The following FARP1 variants were observed in gnomAD, a reference collection of about 807,000 sequenced individuals.
The protein encoded by FARP1 is FERM, ARHGEF and pleckstrin domain-containing protein 1.
In FARP1, 52 loss-of-function variants were observed where a neutral mutation model predicts 128.8. That is an observed-to-expected ratio of 0.40 (90% CI 0.32 to 0.51). The LOEUF is 0.51. Ranked by LOEUF, FARP1 falls within the 20% of genes least tolerant of loss-of-function variation. The pLI, the probability that FARP1 is intolerant of heterozygous loss-of-function variation, is 0.45. For synonymous variants in FARP1, 580 were observed against 551.8 expected (o/e 1.05, Z -0.72); for missense variants, 1,333 against 1,367.9 (o/e 0.97, Z 0.40).
chr13:98,211,208 C>T (rs902270549), intron 1 of FARP1, among the ~76,000 whole-genome samples: 5 of 152,220 alleles, frequency 3.3e-5, no homozygotes, highest in Admixed American at 2.6e-4. Context: ...GGCCGTGGAC[C>T]AGTGGTCCGT....
At position 98,176,866 on chromosome 13, in the gene FARP1, G is replaced by T; in HGVS notation, c.-24+33374G>T. 2.5e-6 allele frequency: 4 copies of T among 1,609,268 alleles called. No individual in the cohort carries two copies. Among genetic ancestry groups the T allele is most frequent in the Non-Finnish European group, 2.5e-6 (3 of 1,179,956 alleles). On this transcript the variant is annotated intron_variant, in intron 1 of 26. Transcript: ENST00000319562. The surrounding 1 kb of genome is among the most constrained non-coding windows in gnomAD (Gnocchi z 6.2). The stretch of plus-strand genomic sequence containing the variant: ...CTGGCTGCACTTGAGGATGGTCGGC[G>T]TATGGTGCTCCTTCTCGGTGTCCTG...
At chr13:98,291,082 C>A (rs948724883) in intron 2 of FARP1, among the ~76,000 whole-genome samples, 1 of 152,238 alleles carries the variant, frequency 6.6e-6, no homozygotes, top group South Asian at 2.1e-4. Context: ...CAGAAATCCA[C>A]GTATACCTTT....
rs1442805500 is a variant in FARP1, at chr13:98,440,233, A to T, written c.2627A>T (p.Asn876Ile). The T allele has an allele frequency of 1.2e-6, 2 of 1,610,854 alleles. No homozygotes were observed. Among genetic ancestry groups the T allele is most frequent in the African/African-American group, 1.3e-5 (1 of 74,828 alleles). ...PEFLASSPPD[N>I]KSPDEATAAD... ...TTCCTGGCCAGCAGCCCCCCTGACA[A>T]CAGTGAGTGTGGCCAGGGCAGCTTT... Residue 876 changes from asparagine (N) to isoleucine (I), a missense_variant and splice_region_variant, in exon 23 of 27, where the codon AAC becomes ATC. Transcript: ENST00000319562.
At chr13:98,429,454 A>AGG (rs1891929150) in intron 17 of FARP1, among the ~76,000 whole-genome samples, 1 of 152,210 alleles carries the variant, frequency 6.6e-6, no homozygotes. Flanking sequence ...GTGAAGTGGA[A>AGG]GGGGCTGGAG....
chr13:98,259,876 C>T (rs1482025436), intron 2 of FARP1, among the ~76,000 whole-genome samples: 1 of 37,752 alleles, frequency 2.6e-5, no homozygotes, highest in Non-Finnish European at 7.0e-5. Context: ...TTAAAGATAC[C>T]TGAAAAGTGT....
chr13:98,190,225 G>T (rs2139231945), intron 1 of FARP1, among the ~76,000 whole-genome samples: 2 of 152,206 alleles, frequency 1.3e-5, no homozygotes, highest in South Asian at 4.1e-4. Context: ...TTTTCTACAA[G>T]GTTTTTTTGC....
chr13:98,150,723 T>C (rs1357897827), intron 1 of FARP1, among the ~76,000 whole-genome samples: 1 of 152,212 alleles, frequency 6.6e-6, no homozygotes, highest in Admixed American at 6.5e-5. Flanking sequence ...TGGAACACTT[T>C]TGTTCTTACC....
Position 98,346,021 on chromosome 13 carries a change from A to G in FARP1, c.276+2155A>G, listed in dbSNP as rs56013074. On this transcript the variant is annotated intron_variant, in intron 3 of 26. Transcript: ENST00000319562. The stretch of plus-strand genomic sequence containing the variant: ...TTTTCTGATGAGGAAGTTAAGCCTT[A>G]AAGAGGTTAAGTTGTTCACCCAAAG... 5.2e-3 allele frequency among the ~76,000 whole-genome samples: 785 copies of G among 152,152 alleles called. 5 individuals are homozygous for G. The highest frequency in any genetic ancestry group is 8.5e-3 in the Admixed American group (130 of 15,260).
intron 4 of FARP1, among the ~76,000 whole-genome samples, chr13:98,367,459 ATT>A (rs1031316858): frequency 3.2e-4 from 49 of 151,310 alleles, no homozygotes; most frequent in African/African-American, 1.2e-3. Flanking sequence ...ACAGATTATT[ATT>A]TTATAATCTG....
At chr13:98,410,018 T>C (rs115683854) in intron 14 of FARP1, among the ~76,000 whole-genome samples, 1,732 of 152,374 alleles carry the variant, frequency 0.011, 38 homozygotes, top group African/African-American at 0.039. Context: ...GACAGTCATG[T>C]GGTTCCCACC....
At chr13:98,366,393 A>G (rs1293188805) in intron 4 of FARP1, among the ~76,000 whole-genome samples, 1 of 152,200 alleles carries the variant, frequency 6.6e-6, no homozygotes, top group Non-Finnish European at 1.5e-5. Context: ...ATCATTTAAT[A>G]TTTGCTGGGT....
chr13:98,238,673 A>G (rs1208607531), intron 2 of FARP1, among the ~76,000 whole-genome samples: 1 of 152,168 alleles, frequency 6.6e-6, no homozygotes, highest in Non-Finnish European at 1.5e-5. Flanking sequence ...TGAGAACAGC[A>G]TAGGAAAGAC....
chr13:98,174,521 C>T (rs1877858566), intron 1 of FARP1, among the ~76,000 whole-genome samples: 1 of 152,126 alleles, frequency 6.6e-6, no homozygotes, highest in Non-Finnish European at 1.5e-5. Flanking sequence ...ATAAAATAGC[C>T]CTTTGACAGA....
At chr13:98,324,381 TC>T (rs1887139640) in intron 2 of FARP1, among the ~76,000 whole-genome samples, 1 of 152,180 alleles carries the variant, frequency 6.6e-6, no homozygotes, top group African/African-American at 2.4e-5. Flanking sequence ...TTGTGTAAGA[TC>T]TATTTTGTAT....
chr13:98,414,243 A>C (rs1164003522), intron 16 of FARP1, among the ~76,000 whole-genome samples: 1 of 152,156 alleles, frequency 6.6e-6, no homozygotes, highest in African/African-American at 2.4e-5. Flanking sequence ...CATGTTTTAC[A>C]GAAAGACATC....
chr13:98,186,949 G>A (rs1377297237), intron 1 of FARP1, among the ~76,000 whole-genome samples: 1 of 124,762 alleles, frequency 8.0e-6, no homozygotes, highest in Non-Finnish European at 1.6e-5. Flanking sequence ...CCAAGATCGC[G>A]CCACTGCACT....
intron 2 of FARP1, among the ~76,000 whole-genome samples, chr13:98,304,203 T>C (rs1233086130): frequency 6.6e-6 from 1 of 152,136 alleles, no homozygotes; most frequent in Non-Finnish European, 1.5e-5. Context: ...AAGGGTCTGC[T>C]GCTCTGCCAG....
intron 24 of FARP1, among the ~76,000 whole-genome samples, chr13:98,444,211 G>A (rs1023378862): frequency 1.2e-4 from 18 of 152,152 alleles, no homozygotes; most frequent in African/African-American, 3.9e-4. Flanking sequence ...CTAAGGACAC[G>A]GCTCGTGCTG....
intron 11 of FARP1, among the ~76,000 whole-genome samples, chr13:98,393,051 C>A (rs754150648): frequency 4.6e-5 from 7 of 152,136 alleles, no homozygotes; most frequent in Non-Finnish European, 1.0e-4. Context: ...CTGAGCATTT[C>A]AGTGCCTGTT....
Sources: allele counts gnomAD v4.1 joint callset (sites outside exome capture counted in the v4.1 genomes callset), GRCh38; gene constraint gnomAD v4.1.1; non-coding constraint Gnocchi (gnomAD v3.1); transcripts MANE v1.5; gene names NCBI Gene and HGNC (gene_info 2026-07-23, HGNC 2026-07-21).